Variants in USP54 observed in about 807,000 individuals in gnomAD.
The protein encoded by USP54 is ubiquitin carboxyl-terminal hydrolase 54.
In USP54, 87 loss-of-function variants were observed where a neutral mutation model predicts 170.5. That is an observed-to-expected ratio of 0.51 (90% CI 0.43 to 0.61). The LOEUF is 0.61. Ranked by LOEUF, USP54 falls within the 20% of genes least tolerant of loss-of-function variation. The pLI, the probability that USP54 is intolerant of heterozygous loss-of-function variation, is 0.00. For missense variants in USP54, 1,786 were observed against 2,047.8 expected, an observed-to-expected ratio of 0.87 and a Z score of 2.47; for synonymous variants, 655 against 742.8, an observed-to-expected ratio of 0.88 and a Z score of 1.92.
At chr10:73,529,159 A>G (rs2133387338) in intron 15 of USP54, 1 of 156,060 alleles carries the variant, frequency 6.4e-6, no homozygotes, top group East Asian at 1.9e-4. Flanking sequence ...AGCAAGCACT[A>G]AACAATTATT....
chr10:73,502,757 A>G (rs780330454), intron 22 of USP54, among the ~76,000 whole-genome samples: 6 of 151,976 alleles, frequency 3.9e-5, no homozygotes, highest in Non-Finnish European at 5.9e-5. Flanking sequence ...CTCTTTAGGG[A>G]TATGTCCTGG....
At position 73,599,899 on chromosome 10, in the gene USP54, C is replaced by CTTTTT. The variant is rs536461848; in HGVS notation, c.-17-24229_-17-24225dup. Among the ~76,000 whole-genome samples, 30 of 117,950 alleles carry CTTTTT rather than the reference C, an allele frequency of 2.5e-4. 1 individual carries two copies. The highest frequency in any genetic ancestry group is 1.1e-3 in the South Asian group (4 of 3,566). 77.4% of individuals were successfully genotyped at this position (117,950 alleles called of 152,430 possible). ...GAACCAAAATCGATTGCACTTTGGGCTTTTTTTTTTTTTTTTTTTGAGATA... is the reference window on the plus strand; with the variant it reads ...GAACCAAAATCGATTGCACTTTGGGCTTTTTTTTTTTTTTTTTTTTTTTTGAGATA... On this transcript the variant is annotated intron_variant, in intron 1 of 22. Coordinates refer to the USP54 transcript ENST00000339859.
intron 15 of USP54, chr10:73,529,158 T>G (rs2133387311): frequency 6.4e-6 from 1 of 156,232 alleles, no homozygotes; most frequent in Non-Finnish European, 1.4e-5. Flanking sequence ...AAGCAAGCAC[T>G]AAACAATTAT....
At chr10:73,541,595 C>T in intron 8 of USP54, 38 bp downstream of exon 8, 2 of 1,613,426 alleles carry the variant, frequency 1.2e-6, no homozygotes, top group Non-Finnish European at 1.7e-6. Flanking sequence ...TCGATGGTTC[C>T]CTTTCCCACT....
chr10:73,530,638 C>T (rs1399681920), intron 13 of USP54, 66 bp downstream of exon 13: 1 of 1,599,632 alleles, frequency 6.3e-7, no homozygotes, highest in East Asian at 2.2e-5. Flanking sequence ...AGCCAACAGT[C>T]TGGAGCATGA....
chr10:73,605,631 T>C (rs2079558294), intron 1 of USP54, among the ~76,000 whole-genome samples: 1 of 152,092 alleles, frequency 6.6e-6, no homozygotes, highest in African/African-American at 2.4e-5. Flanking sequence ...CAAAATGTGG[T>C]ACATACATAG....
At chr10:73,566,048 T>C (rs1313235592) in intron 4 of USP54, among the ~76,000 whole-genome samples, 6 of 152,214 alleles carry the variant, frequency 3.9e-5, no homozygotes, top group South Asian at 2.1e-4. Context: ...CTGGCCAACA[T>C]TGAGAAACCC....
intron 1 of USP54, among the ~76,000 whole-genome samples, chr10:73,601,789 A>C (rs2079185299): frequency 1.3e-5 from 2 of 152,214 alleles, no homozygotes; most frequent in Admixed American, 1.3e-4. Flanking sequence ...GTGCCATGGA[A>C]TCATTTCCTG....
chr10:73,518,089 T>C lies in USP54; in HGVS notation c.2679-342A>G, dbSNP rs543232911. On this transcript the variant is annotated intron_variant, in intron 19 of 23. Coordinates refer to ENST00000687698, the MANE Select transcript of USP54 (RefSeq NM_001391956.1). ...TTGCAAATTAGGAAACAAAATCAGC[T>C]AGTCTCACATGCAGATGACATGGAA... 1,608 of 791,738 alleles carry C rather than the reference T, an allele frequency of 2.0e-3. 2 individuals are homozygous for C. Among genetic ancestry groups the C allele is most frequent in the Non-Finnish European group, 2.4e-3 (1,558 of 653,430 alleles). 49.0% of individuals were successfully genotyped at this position (791,738 alleles called of 1,614,324 possible). A position where few individuals can be genotyped will look rare whatever the true frequency, so the allele number is the denominator to read the frequency against.
At chr10:73,518,913 AG>A (rs1214086720) in intron 19 of USP54, 2 of 151,964 alleles carry the variant, frequency 1.3e-5, no homozygotes, top group African/African-American at 4.8e-5. Flanking sequence ...TTGTAGAGAC[AG>A]GGTTTTACCG....
At chr10:73,524,639 T>C (rs991965675) in intron 16 of USP54, among the ~76,000 whole-genome samples, 2 of 152,162 alleles carry the variant, frequency 1.3e-5, no homozygotes, top group East Asian at 1.9e-4. Context: ...TTCACAACAA[T>C]AGTATTACGC....
intron 10 of USP54, 148 bp downstream of exon 10, chr10:73,539,296 A>T (rs2066024174): frequency 1.8e-5 from 5 of 275,808 alleles, no homozygotes; most frequent in Non-Finnish European, 2.1e-5. Context: ...AAAAAAATTA[A>T]AAAAAAAAAA....
intron 16 of USP54, among the ~76,000 whole-genome samples, chr10:73,524,165 C>T (rs1351632218): frequency 6.6e-6 from 1 of 151,328 alleles, no homozygotes; most frequent in African/African-American, 2.4e-5. Context: ...CTTGGCCTCC[C>T]AAAGTGCTGG....
At position 73,544,179 on chromosome 10, in the gene USP54, G is replaced by A. The variant is rs144976477; in HGVS notation, c.376-1048C>T. ...GCTGCTCTCGAACTCCTGACCTCAA[G>A]TGATCCGCCCACCTTGGCTTCCCAA... On this transcript the variant is annotated intron_variant, in intron 5 of 23. Coordinates refer to ENST00000687698, the MANE Select transcript of USP54 (RefSeq NM_001391956.1). 6.2e-4 allele frequency among the ~76,000 whole-genome samples: 95 copies of A among 152,266 alleles called. 1 individual carries two copies. The highest frequency in any genetic ancestry group is 2.0e-3 in the African/African-American group (84 of 41,554).
At chr10:73,570,360 G>C (rs2074897495) in intron 4 of USP54, among the ~76,000 whole-genome samples, 1 of 151,290 alleles carries the variant, frequency 6.6e-6, no homozygotes, top group Non-Finnish European at 1.5e-5. Flanking sequence ...AGAAATCTCT[G>C]GTTTCATTTT....
intron 1 of USP54, among the ~76,000 whole-genome samples, chr10:73,582,356 G>A (rs1444617301): frequency 6.6e-6 from 1 of 152,008 alleles, no homozygotes; most frequent in Admixed American, 6.6e-5. Context: ...ATAAAACCAG[G>A]TGTAAAGTGT....
chr10:73,526,694 T>C lies in USP54; in HGVS notation c.2147A>G (p.Asp716Gly), dbSNP rs538520522. ...CCAGCCACCCATGGATGCTGTGGAG[T>C]CTACCTCCAGGATGCTACTGCTGTG... ...KSHSSSILEV[D>G]STASMGGWTK... Residue 716 changes from aspartate to glycine, a missense_variant, in exon 16 of 24, where the codon GAC (aspartate) becomes GGC (glycine). Asp to Gly is a moderately conservative substitution (Grantham distance 94). Coordinates refer to ENST00000687698, the MANE Select transcript of USP54 (RefSeq NM_001391956.1). The C allele has an allele frequency of 6.2e-7, 1 of 1,614,074 alleles. No individual in the cohort carries two copies. Among genetic ancestry groups the C allele is most frequent in the East Asian group, 2.2e-5 (1 of 44,884 alleles).
At chr10:73,554,403 G>A (rs190476150) in intron 4 of USP54, among the ~76,000 whole-genome samples, 375 of 152,236 alleles carry the variant, frequency 2.5e-3, no homozygotes, top group African/African-American at 8.5e-3. Flanking sequence ...GAACTTAATT[G>A]GCCAGTCTGG....
chr10:73,566,087 G>A (rs984322081), intron 4 of USP54, among the ~76,000 whole-genome samples: 6 of 152,032 alleles, frequency 3.9e-5, no homozygotes, highest in Middle Eastern at 3.2e-3. Context: ...AAAATTAGCC[G>A]GGCGTGGTGG....
Sources: gnomAD v4.1 joint callset for allele counts (sites outside exome capture counted in the v4.1 genomes callset) on GRCh38, gnomAD v4.1.1 for gene constraint, MANE v1.5 for transcripts, NCBI Gene and HGNC (gene_info 2026-07-23, HGNC 2026-07-21) for gene names.